The following SOX5 variants were observed in gnomAD, a reference collection of about 807,000 sequenced individuals.
SOX5 encodes SRY-box transcription factor 5.
In SOX5, 9 loss-of-function variants were observed where a neutral mutation model predicts 92.0. That is an observed-to-expected ratio of 0.10 (90% CI 0.06 to 0.17). The LOEUF (loss-of-function observed/expected upper bound fraction) is 0.17. Among genes scored for constraint, SOX5 ranks in the 10% least tolerant of loss-of-function variants. The pLI is 1.00. For synonymous variants in SOX5, 344 were observed against 336.3 expected, an observed-to-expected ratio of 1.02 and a Z score of -0.25; for missense variants, 642 against 944.5, an observed-to-expected ratio of 0.68 and a Z score of 4.20.
chr12:23,631,927 G>A (rs1444543040), intron 8 of SOX5, among the ~76,000 whole-genome samples: 10 of 152,050 alleles, frequency 6.6e-5, no homozygotes, highest in East Asian at 1.9e-4. Flanking sequence ...TAATAACTAT[G>A]GAAGCAGTTC....
chr12:24,138,741 A>G (rs1950313753), intron 4 of SOX5, among the ~76,000 whole-genome samples: 2 of 152,216 alleles, frequency 1.3e-5, no homozygotes, highest in African/African-American at 4.8e-5. Context: ...CAGGCGAAAG[A>G]GCAGATAATA....
At position 23,673,963 on chromosome 12, in the gene SOX5, CT is replaced by C. The variant is rs113731635; in HGVS notation, c.811-8400del. Among the ~76,000 whole-genome samples, 1,335 of 152,126 alleles carry C rather than the reference CT, an allele frequency of 8.8e-3. 17 individuals carry two copies. Among genetic ancestry groups the C allele is most frequent in the African/African-American group, 0.03 (1,258 of 41,480 alleles). ...AAAAACCATAGCAAGTAAAAAACAA[CT>C]TACAAAAATATATAACTTCACTAAT... On this transcript the variant is annotated intron_variant, in intron 6 of 14. Coordinates refer to ENST00000451604, the MANE Select transcript of SOX5 (RefSeq NM_006940.6).
At chr12:23,927,388 CCT>C (rs1569047325) in intron 1 of SOX5, among the ~76,000 whole-genome samples, 1 of 152,002 alleles carries the variant, frequency 6.6e-6, no homozygotes, top group Non-Finnish European at 1.5e-5. Flanking sequence ...CAACTTAACA[CCT>C]CTTTCTCCTT....
At chr12:24,231,004 T>C (rs1460342362) in intron 3 of SOX5, among the ~76,000 whole-genome samples, 2 of 152,202 alleles carry the variant, frequency 1.3e-5, no homozygotes, top group Non-Finnish European at 2.9e-5. Flanking sequence ...TTCCCCGTTT[T>C]TGAAGAATTC....
At chr12:23,911,382 T>C (rs1294916762) in intron 1 of SOX5, among the ~76,000 whole-genome samples, 2 of 152,068 alleles carry the variant, frequency 1.3e-5, no homozygotes, top group Admixed American at 6.6e-5. Flanking sequence ...ATAAGCCAAA[T>C]TTTTTCAATT....
chr12:23,842,118 A>C (rs1255991111), intron 3 of SOX5, among the ~76,000 whole-genome samples: 1 of 152,174 alleles, frequency 6.6e-6, no homozygotes, highest in Non-Finnish European at 1.5e-5. Flanking sequence ...AACTTTGGAA[A>C]TGAATGGAAT....
intron 3 of SOX5, among the ~76,000 whole-genome samples, chr12:24,272,501 C>T (rs980738438): frequency 4.6e-5 from 7 of 152,186 alleles, no homozygotes; most frequent in African/African-American, 1.7e-4. Flanking sequence ...TTTATCTTTG[C>T]TGTATGTATT....
intron 4 of SOX5, among the ~76,000 whole-genome samples, chr12:24,154,360 C>T (rs1951952052): frequency 6.6e-6 from 1 of 152,010 alleles, no homozygotes; most frequent in African/African-American, 2.4e-5. Flanking sequence ...AGTTTTATTC[C>T]CAATAGAAGG....
chr12:23,774,012 C>G (rs1459305599), intron 3 of SOX5, among the ~76,000 whole-genome samples: 1 of 152,010 alleles, frequency 6.6e-6, no homozygotes, highest in Non-Finnish European at 1.5e-5. Flanking sequence ...CAGGGTCTGT[C>G]TTTGCTCATT....
At chr12:24,370,704 A>G (rs1241262581) in intron 1 of SOX5, among the ~76,000 whole-genome samples, 3 of 152,108 alleles carry the variant, frequency 2.0e-5, no homozygotes, top group East Asian at 1.9e-4. Context: ...AGGTGGGAGA[A>G]TCGTTTGAAC....
At chr12:23,622,414 T>G (rs1487340398) in intron 8 of SOX5, among the ~76,000 whole-genome samples, 1 of 152,156 alleles carries the variant, frequency 6.6e-6, no homozygotes, top group East Asian at 1.9e-4. Flanking sequence ...ATATTTCTCT[T>G]TTTTATTTGG....
At chr12:24,228,809 T>C (rs1962689893) in intron 3 of SOX5, among the ~76,000 whole-genome samples, 1 of 152,184 alleles carries the variant, frequency 6.6e-6, no homozygotes. Context: ...TTCCAGTGTG[T>C]GTGCGGCACT....
intron 7 of SOX5, among the ~76,000 whole-genome samples, chr12:23,653,824 A>G (rs1441667484): frequency 6.6e-6 from 1 of 152,098 alleles, no homozygotes; most frequent in African/African-American, 2.4e-5. Context: ...CATTCAGACC[A>G]TAGCAATCCC....
intron 9 of SOX5, among the ~76,000 whole-genome samples, chr12:23,594,598 T>C (rs1419117770): frequency 6.6e-6 from 1 of 152,100 alleles, no homozygotes; most frequent in Non-Finnish European, 1.5e-5. Context: ...AGGAAGACAA[T>C]GAGTACATAA....
At chr12:24,195,995 C>T (rs1432482081) in intron 4 of SOX5, among the ~76,000 whole-genome samples, 1 of 152,172 alleles carries the variant, frequency 6.6e-6, no homozygotes, top group African/African-American at 2.4e-5. Context: ...AGCGATTCTC[C>T]TGCCTCAGAC....
intron 1 of SOX5, among the ~76,000 whole-genome samples, chr12:24,562,132 C>G (rs1472316444): frequency 6.6e-6 from 1 of 152,198 alleles, no homozygotes; most frequent in Non-Finnish European, 1.5e-5. Flanking sequence ...CTCCGCCACC[C>G]CCAGCCCAGT....
chr12:23,797,714 G>C (rs2095590051), intron 3 of SOX5, among the ~76,000 whole-genome samples: 1 of 152,036 alleles, frequency 6.6e-6, no homozygotes, highest in Non-Finnish European at 1.5e-5. Context: ...ATGCTGGGCT[G>C]TAAAGACATT....
Position 23,829,359 on chromosome 12 carries a change from C to T in SOX5, c.481+16624G>A, listed in dbSNP as rs117480178. 6.7e-3 allele frequency among the ~76,000 whole-genome samples: 1,014 copies of T among 152,170 alleles called. 2 individuals are homozygous for T. Among genetic ancestry groups the T allele is most frequent in the Non-Finnish European group, 0.011 (774 of 68,014 alleles). ...TTGACAAATCTGTTTCAGAAAAATG[C>T]TATGTATGCTGCCCAGATTAGAGTG... is the stretch of plus-strand genomic sequence containing the variant. On this transcript the variant is annotated intron_variant, in intron 3 of 14. Transcript: ENST00000451604.
chr12:24,288,878 A>C (rs1409322155), intron 2 of SOX5, among the ~76,000 whole-genome samples: 3 of 152,170 alleles, frequency 2.0e-5, no homozygotes, highest in Non-Finnish European at 4.4e-5. Flanking sequence ...TATAATAATT[A>C]ATAATCTATT....
Sources: allele counts gnomAD v4.1 joint callset (sites outside exome capture counted in the v4.1 genomes callset), GRCh38; gene constraint gnomAD v4.1.1; transcripts MANE v1.5; gene names NCBI Gene and HGNC (gene_info 2026-07-23, HGNC 2026-07-21).